Variants in SOBP observed in about 807,000 individuals in gnomAD.
The protein encoded by SOBP is sine oculis binding protein homolog, also known as sine oculis-binding protein homolog.
A neutral mutation model predicts 53.6 loss-of-function variants in SOBP; 4 were observed. The observed-to-expected ratio is 0.07, with a 90% CI of 0.04 to 0.17. SOBP has a LOEUF of 0.17. Ranked by LOEUF, SOBP falls within the 10% of genes least tolerant of loss-of-function variation. The probability of loss-of-function intolerance (pLI) is 1.00; values close to 1 mark genes in which losing one functional copy is unlikely to be tolerated. For synonymous variants in SOBP, 584 were observed against 522.6 expected, an observed-to-expected ratio of 1.12 and a Z score of -1.60; for missense variants, 1,088 against 1,204.7, an observed-to-expected ratio of 0.90 and a Z score of 1.43.
intron 4 of SOBP, among the ~76,000 whole-genome samples, chr6:107,564,157 C>T (rs866865654): frequency 3.9e-5 from 6 of 152,120 alleles, no homozygotes; most frequent in Non-Finnish European, 7.4e-5. Context: ...TAAAGGAAGA[C>T]GTATCCATAT....
chr6:107,528,738 C>CT (rs1156799655), intron 3 of SOBP, among the ~76,000 whole-genome samples: 1 of 152,144 alleles, frequency 6.6e-6, no homozygotes, highest in Admixed American at 6.5e-5. Flanking sequence ...TGTGTGACAG[C>CT]TTTTAGTCCT....
At position 107,587,123 on chromosome 6, in the gene SOBP, A is replaced by G. The variant is rs755726852; in HGVS notation, c.617A>G (p.His206Arg). The change falls in exon 5 of 7, where the codon CAC becomes CGC. Residue 206 changes from histidine (H) to arginine (R), a missense_variant. This residue lies in a region of SOBP where 55 missense variants were observed against 134.3 expected (regional missense o/e 0.41). Coordinates refer to ENST00000317357, the MANE Select transcript of SOBP (RefSeq NM_018013.4). ...DGHAENFPQQ[H>R]YAKETPRLAF... ...CATGCTGAAAATTTTCCCCAGCAGC[A>G]CTATGCTAAGGAAACTCCAAGGCTT... 3.7e-6 allele frequency: 6 copies of G among 1,613,620 alleles called. No homozygotes were observed. Among genetic ancestry groups the G allele is most frequent in the South Asian group, 1.1e-5 (1 of 91,086 alleles).
intron 3 of SOBP, among the ~76,000 whole-genome samples, chr6:107,532,241 T>TCACACACACA (rs10525191): frequency 5.0e-5 from 7 of 139,742 alleles, no homozygotes; most frequent in South Asian, 2.4e-4. Flanking sequence ...TCTCTCTCTC[T>TCACACACACA]CACACACACA....
intron 1 of SOBP, among the ~76,000 whole-genome samples, chr6:107,493,161 G>A (rs1350651632): frequency 2.6e-5 from 4 of 152,070 alleles, no homozygotes; most frequent in Non-Finnish European, 5.9e-5. Flanking sequence ...TGGTTGCCCT[G>A]TATATAAATG....
intron 5 of SOBP, among the ~76,000 whole-genome samples, chr6:107,594,178 T>C (rs1052282288): frequency 2.6e-5 from 4 of 152,154 alleles, no homozygotes; most frequent in Non-Finnish European, 5.9e-5. Context: ...CGTCCTGGTG[T>C]GTGAAATGAG....
intron 4 of SOBP, among the ~76,000 whole-genome samples, chr6:107,563,457 C>A (rs567582550): frequency 8.5e-5 from 13 of 152,064 alleles, no homozygotes; most frequent in African/African-American, 3.1e-4. Context: ...TCTGAGAATT[C>A]TGATTTTCTC....
At chr6:107,520,568 G>T (rs909198738) in intron 3 of SOBP, among the ~76,000 whole-genome samples, 1 of 152,168 alleles carries the variant, frequency 6.6e-6, no homozygotes, top group East Asian at 1.9e-4. Flanking sequence ...GAGTTATGAC[G>T]TAGCTAGGAT....
intron 3 of SOBP, among the ~76,000 whole-genome samples, chr6:107,507,204 T>C (rs1224831009): frequency 6.6e-6 from 1 of 152,222 alleles, no homozygotes; most frequent in Non-Finnish European, 1.5e-5. Context: ...CGCTTTCCTC[T>C]AAATCCATTA....
intron 5 of SOBP, among the ~76,000 whole-genome samples, chr6:107,600,761 A>G (rs1285126504): frequency 2.0e-5 from 3 of 152,142 alleles, no homozygotes; most frequent in Non-Finnish European, 1.5e-5. Flanking sequence ...TGCAAGTGCC[A>G]CATACCATCA....
At chr6:107,549,913 G>A (rs1445867857) in intron 4 of SOBP, among the ~76,000 whole-genome samples, 3 of 152,136 alleles carry the variant, frequency 2.0e-5, no homozygotes, top group Non-Finnish European at 4.4e-5. Flanking sequence ...GCCTGGTAAG[G>A]TATGGTCATG....
At chr6:107,491,706 A>G (rs1214742037) in intron 1 of SOBP, among the ~76,000 whole-genome samples, 8 of 152,222 alleles carry the variant, frequency 5.3e-5, no homozygotes, top group African/African-American at 1.9e-4. Context: ...ATCAAAAAGT[A>G]GCAGGTTTGC....
At chr6:107,560,255 C>T (rs1378889464) in intron 4 of SOBP, among the ~76,000 whole-genome samples, 1 of 152,158 alleles carries the variant, frequency 6.6e-6, no homozygotes, top group African/African-American at 2.4e-5. Context: ...ATGCAGCTCT[C>T]TCCTGGGTCT....
At chr6:107,599,114 T>C (rs1050147999) in intron 5 of SOBP, among the ~76,000 whole-genome samples, 6 of 152,120 alleles carry the variant, frequency 3.9e-5, no homozygotes, top group African/African-American at 1.4e-4. Flanking sequence ...AGAGACCATC[T>C]AGTGTGTATA....
intron 6 of SOBP, among the ~76,000 whole-genome samples, chr6:107,638,212 G>T (rs846956): frequency 0.69 from 105,021 of 151,196 alleles, 38,246 homozygotes; most frequent in Non-Finnish European, 0.83. Context: ...TATTTATTTA[G>T]TTATTTATTA....
intron 6 of SOBP, among the ~76,000 whole-genome samples, chr6:107,640,795 A>G (rs1771273299): frequency 6.6e-6 from 1 of 152,232 alleles, no homozygotes; most frequent in African/African-American, 2.4e-5. Context: ...ATAACCTTCC[A>G]TCTTCAGCAG....
chr6:107,535,641 T>C (rs527431411), intron 4 of SOBP, among the ~76,000 whole-genome samples: 1 of 149,680 alleles, frequency 6.7e-6, no homozygotes, highest in Non-Finnish European at 1.5e-5. Context: ...GTGTGTGTTT[T>C]TTTTTTTTCC....
At chr6:107,533,271 CAAAAAAAAAAAAAAAA>C (rs762864049) in intron 3 of SOBP, among the ~76,000 whole-genome samples, 172 bp from the exon 4 acceptor site, 1 of 32,812 alleles carries the variant, frequency 3.0e-5, no homozygotes, top group African/African-American at 9.8e-5. Context: ...ACTTAGGAGC[CAAAAAAAAAAAAAAAA>C]AAAAAAAAAG....
chr6:107,515,710 G>A (rs949191564), intron 3 of SOBP, among the ~76,000 whole-genome samples: 2 of 152,122 alleles, frequency 1.3e-5, no homozygotes, highest in African/African-American at 4.8e-5. Flanking sequence ...GATTACACCA[G>A]TGCACTCCAG....
At chr6:107,541,921 T>TA (rs893098241) in intron 4 of SOBP, among the ~76,000 whole-genome samples, 24 of 147,616 alleles carry the variant, frequency 1.6e-4, no homozygotes, top group East Asian at 8.0e-4. Context: ...TAGCCACACT[T>TA]AAAAAAAAAA....
Sources: allele counts gnomAD v4.1 joint callset (sites outside exome capture counted in the v4.1 genomes callset), GRCh38; gene constraint gnomAD v4.1.1; regional missense constraint gnomAD v4.1.1; transcripts MANE v1.5; gene names NCBI Gene and HGNC (gene_info 2026-07-23, HGNC 2026-07-21).